Variants in ZNF385D observed in about 807,000 individuals in gnomAD.
ZNF385D encodes zinc finger protein 659.
ZNF385D carries 15 observed loss-of-function variants against 35.8 expected under a neutral mutation model. The ratio of observed to expected loss-of-function variants is 0.42; its 90% CI spans 0.28 to 0.64. The LOEUF is 0.64. Ranked by LOEUF, ZNF385D falls within the 30% of genes least tolerant of loss-of-function variation. The pLI is 0.23. For missense variants in ZNF385D, 474 were observed against 494.6 expected (o/e 0.96, Z 0.39); for synonymous variants, 212 against 186.8 (o/e 1.13, Z -1.10).
chr3:21,653,482 C>CA (rs1213678883), intron 2 of ZNF385D, among the ~76,000 whole-genome samples: 1 of 151,972 alleles, frequency 6.6e-6, no homozygotes, highest in Non-Finnish European at 1.5e-5. Context: ...AAGAAGCTTG[C>CA]ATATGTGCAT....
At chr3:21,841,041 G>C (rs1266135026) in intron 3 of ZNF385D, among the ~76,000 whole-genome samples, 1 of 151,954 alleles carries the variant, frequency 6.6e-6, no homozygotes, top group Non-Finnish European at 1.5e-5. Context: ...AGAAGAATTA[G>C]ACATACAGAT....
intron 3 of ZNF385D, among the ~76,000 whole-genome samples, chr3:21,998,695 T>C (rs13097160): frequency 0.11 from 16,460 of 152,286 alleles, 1,190 homozygotes; most frequent in South Asian, 0.26. Flanking sequence ...CATCACCTTT[T>C]AAAAATATTT....
At chr3:21,571,895 C>T (rs1192002007) in intron 2 of ZNF385D, among the ~76,000 whole-genome samples, 3 of 152,280 alleles carry the variant, frequency 2.0e-5, no homozygotes, top group East Asian at 1.9e-4. Flanking sequence ...CCCATGGAAT[C>T]GTGATGCATT....
At chr3:21,725,540 G>T (rs1031967808) in intron 1 of ZNF385D, among the ~76,000 whole-genome samples, 1 of 152,082 alleles carries the variant, frequency 6.6e-6, no homozygotes, top group African/African-American at 2.4e-5. Flanking sequence ...TACCATCAGA[G>T]AACAGTATAA....
intron 2 of ZNF385D, among the ~76,000 whole-genome samples, chr3:22,372,119 G>GC (rs140211621): frequency 0.044 from 6,676 of 151,702 alleles, 242 homozygotes; most frequent in Admixed American, 0.11. Flanking sequence ...GGCTGACCTC[G>GC]CCCCCCCGCC....
At chr3:21,865,188 G>C (rs73052626) in intron 3 of ZNF385D, among the ~76,000 whole-genome samples, 14,580 of 150,386 alleles carry the variant, frequency 0.097, 817 homozygotes, top group East Asian at 0.15. Flanking sequence ...CAAGTAATTA[G>C]AGTATTTGCT....
intron 3 of ZNF385D, among the ~76,000 whole-genome samples, chr3:21,916,757 A>G (rs1700210714): frequency 6.6e-6 from 1 of 152,332 alleles, no homozygotes; most frequent in South Asian, 2.1e-4. Flanking sequence ...TATTTGGGCT[A>G]TTTTTAAACA....
intron 2 of ZNF385D, among the ~76,000 whole-genome samples, chr3:22,170,881 C>G (rs896116665): frequency 7.9e-5 from 12 of 151,844 alleles, no homozygotes; most frequent in African/African-American, 2.9e-4. Context: ...ATATGCATAG[C>G]CATTAAAAGC....
chr3:21,467,594 C>T (rs1703600874), intron 4 of ZNF385D, among the ~76,000 whole-genome samples: 1 of 152,174 alleles, frequency 6.6e-6, no homozygotes, highest in East Asian at 1.9e-4. Context: ...GAGCTTTGTC[C>T]TGGCCTTAGA....
intron 3 of ZNF385D, among the ~76,000 whole-genome samples, chr3:21,905,107 G>A (rs540782589): frequency 9.1e-4 from 129 of 142,220 alleles, no homozygotes; most frequent in African/African-American, 3.2e-3. Context: ...ATGTATTAGA[G>A]ATTATGACAT....
At chr3:21,451,470 T>A (rs1316127029) in intron 4 of ZNF385D, among the ~76,000 whole-genome samples, 3 of 127,184 alleles carry the variant, frequency 2.4e-5, no homozygotes, top group Non-Finnish European at 3.5e-5. Flanking sequence ...TGTCTCATTA[T>A]TTTTTGCTGT....
chr3:21,997,945 G>A (rs1695586822), intron 3 of ZNF385D, among the ~76,000 whole-genome samples: 1 of 151,432 alleles, frequency 6.6e-6, no homozygotes, highest in Admixed American at 6.6e-5. Context: ...GAGAAATTGA[G>A]ATAGAAGATC....
chr3:21,800,775 T>C (rs190761491), intron 3 of ZNF385D, among the ~76,000 whole-genome samples: 2 of 152,290 alleles, frequency 1.3e-5, no homozygotes, highest in East Asian at 3.9e-4. Flanking sequence ...CTAAGAGTTT[T>C]TTTGTGGATT....
In ZNF385D at chr3:22,156,875, C is replaced by T. The variant is rs190923506; in HGVS notation, c.325+11942G>A. Among the ~76,000 whole-genome samples the T allele has an allele frequency of 4.6e-5, 7 of 152,242 alleles. No homozygotes were observed. The East Asian group carries it at 7.7e-4, about 17-fold the overall frequency. ...AAAGTCAGAGAAACACTCTACTTCT[C>T]AACACCTGATTTTGCTTTACCCACT... On this transcript the variant is annotated intron_variant, in intron 3 of 5. Transcript: ENST00000494108.
chr3:22,240,377 C>T (rs1264526108), intron 2 of ZNF385D, among the ~76,000 whole-genome samples: 1 of 150,892 alleles, frequency 6.6e-6, no homozygotes, highest in Non-Finnish European at 1.5e-5. Context: ...GACCAGGTAT[C>T]TCCCTCTCAC....
intron 4 of ZNF385D, among the ~76,000 whole-genome samples, chr3:21,468,688 G>A (rs930518511): frequency 4.6e-5 from 7 of 152,160 alleles, no homozygotes; most frequent in Non-Finnish European, 5.9e-5. Context: ...CACTTTGGGA[G>A]TCCGAGGCAG....
rs116084037 is a variant in ZNF385D at position 21,806,722 on chromosome 3, T to C, written c.326-141694A>G. Among the ~76,000 whole-genome samples the C allele has an allele frequency of 4.3e-3, 661 of 152,304 alleles. 5 individuals are homozygous for C. The highest frequency in any genetic ancestry group is 0.015 in the African/African-American group (627 of 41,566). Reference sequence around the variant, plus strand: ...TCAAATAAATTCATAAAAAGTTGTATCTCCTTCTGTGACTGGTTTACAAAC... The same window carrying C: ...TCAAATAAATTCATAAAAAGTTGTACCTCCTTCTGTGACTGGTTTACAAAC... On this transcript the variant is annotated intron_variant, in intron 3 of 5. Transcript: ENST00000494108.
intron 3 of ZNF385D, among the ~76,000 whole-genome samples, chr3:22,060,004 C>A (rs986658650): frequency 6.6e-6 from 1 of 152,180 alleles, no homozygotes; most frequent in African/African-American, 2.4e-5. Flanking sequence ...GGAGCTGAGA[C>A]ATCTACTCTT....
intron 3 of ZNF385D, among the ~76,000 whole-genome samples, chr3:21,768,877 T>C (rs912576055): frequency 1.1e-4 from 17 of 151,130 alleles, no homozygotes; most frequent in Non-Finnish European, 2.1e-4. Context: ...ATATTTCTTC[T>C]TTTTGGAGTC....
Sources: allele counts gnomAD v4.1 joint callset (sites outside exome capture counted in the v4.1 genomes callset), GRCh38; gene constraint gnomAD v4.1.1; transcripts MANE v1.5; gene names NCBI Gene and HGNC (gene_info 2026-07-23, HGNC 2026-07-21).